The following NCALD variants were observed in gnomAD, a reference collection of about 807,000 sequenced individuals.
The protein encoded by NCALD is neurocalcin delta.
In NCALD, 10 loss-of-function variants were observed where a neutral mutation model predicts 18.6. The observed-to-expected ratio is 0.54, with a 90% CI of 0.33 to 0.91. The LOEUF (loss-of-function observed/expected upper bound fraction) is 0.91. NCALD is among the 40% of genes least tolerant of loss of function. The probability of loss-of-function intolerance (pLI) is 0.03; values close to 1 mark genes in which losing one functional copy is unlikely to be tolerated. For missense variants in NCALD, 184 were observed against 247.6 expected (o/e 0.74, Z 1.72); for synonymous variants, 88 against 87.4 (o/e 1.01, Z -0.04).
chr8:101,722,502 A>G (rs1816406661), intron 1 of NCALD, among the ~76,000 whole-genome samples: 1 of 152,224 alleles, frequency 6.6e-6, no homozygotes, highest in Non-Finnish European at 1.5e-5. Flanking sequence ...GTTTTCAATC[A>G]AATCACCATT....
At chr8:102,109,974 T>G (rs929664835) in intron 1 of NCALD, among the ~76,000 whole-genome samples, 6 of 152,232 alleles carry the variant, frequency 3.9e-5, no homozygotes, top group Admixed American at 1.3e-4. Flanking sequence ...CACTTAACCC[T>G]ACGTCCCAAA....
intron 1 of NCALD, among the ~76,000 whole-genome samples, chr8:102,110,051 A>G (rs1825593045): frequency 6.6e-6 from 1 of 152,094 alleles, no homozygotes; most frequent in African/African-American, 2.4e-5. Context: ...TTTCATCTGA[A>G]TTACACCCAG....
At chr8:101,834,954 C>T (rs1041308217) in intron 4 of NCALD, among the ~76,000 whole-genome samples, 1 of 152,232 alleles carries the variant, frequency 6.6e-6, no homozygotes, top group Admixed American at 6.5e-5. Context: ...GCCTCTGCAG[C>T]TCCCTATCTG....
At chr8:102,058,553 G>A (rs1823734433) in intron 1 of NCALD, among the ~76,000 whole-genome samples, 1 of 152,176 alleles carries the variant, frequency 6.6e-6, no homozygotes, top group Non-Finnish European at 1.5e-5. Context: ...CCTCTGCTGA[G>A]AGCATCGCTG....
chr8:101,896,589 T>C (rs2131543128), intron 3 of NCALD, among the ~76,000 whole-genome samples: 1 of 152,012 alleles, frequency 6.6e-6, no homozygotes, highest in South Asian at 2.1e-4. Context: ...ACCTACAAAA[T>C]GGGAGAAAAT....
intron 1 of NCALD, among the ~76,000 whole-genome samples, chr8:101,727,980 A>G (rs1200263234): frequency 6.6e-6 from 1 of 152,230 alleles, no homozygotes; most frequent in African/African-American, 2.4e-5. Context: ...CTCTCAACTT[A>G]TTTTGGGTCA....
chr8:101,845,092 G>C (rs568009207), intron 4 of NCALD, among the ~76,000 whole-genome samples: 1 of 152,326 alleles, frequency 6.6e-6, no homozygotes, highest in South Asian at 2.1e-4. Flanking sequence ...AGAGGTGACT[G>C]TCTAGTTGGA....
intron 4 of NCALD, among the ~76,000 whole-genome samples, chr8:101,839,896 T>C (rs1393234635): frequency 6.6e-6 from 1 of 151,704 alleles, no homozygotes; most frequent in East Asian, 1.9e-4. Flanking sequence ...ACCAATTAGT[T>C]CCAGGCTCCC....
At chr8:101,949,907 C>A (rs1370717672) in intron 2 of NCALD, among the ~76,000 whole-genome samples, 1 of 152,202 alleles carries the variant, frequency 6.6e-6, no homozygotes, top group East Asian at 1.9e-4. Context: ...TTCCAACAAT[C>A]ATCCAGACTG....
intron 2 of NCALD, among the ~76,000 whole-genome samples, chr8:101,713,832 A>C (rs1815932568): frequency 6.6e-6 from 1 of 152,244 alleles, no homozygotes; most frequent in African/African-American, 2.4e-5. Flanking sequence ...ATGGATTCAC[A>C]GCCGAATTCT....
At position 101,835,255 on chromosome 8, in the gene NCALD, C is replaced by A. The variant is rs866251684; in HGVS notation, c.-20+51886G>T. ...GCTTTCTATCTCAGGTGGTGCAGGG[C>A]CCCTTGGCCCTTCCATCATATGGCT... On this transcript the variant is annotated intron_variant, in intron 4 of 6. Transcript: ENST00000311028. Among the ~76,000 whole-genome samples the A allele has an allele frequency of 2.2e-4, 34 of 152,352 alleles. No homozygotes were observed. The South Asian group carries it at 2.7e-3, about 12-fold the overall frequency.
chr8:101,687,033 T>C lies in NCALD; in HGVS notation c.*2276A>G, dbSNP rs1172353972. 6.6e-6 allele frequency: 1 copy of C among 151,718 alleles called. No individual in the cohort carries two copies. The highest frequency in any genetic ancestry group is 2.4e-5 in the African/African-American group (1 of 41,256). 9.4% of individuals were successfully genotyped at this position (151,718 alleles called of 1,614,324 possible). A position where few individuals can be genotyped will look rare whatever the true frequency, so the allele number is the denominator to read the frequency against. ...GTGGCAGGCCAGGACAGGGACTATT[T>C]CTATACATTCTGGAAGTGTCGGCAT... On this transcript the variant is annotated 3_prime_UTR_variant, in exon 4 of 4. Coordinates refer to ENST00000220931, the MANE Select transcript of NCALD (RefSeq NM_032041.3).
chr8:101,909,281 C>T (rs1274925183), intron 3 of NCALD, among the ~76,000 whole-genome samples: 1 of 152,194 alleles, frequency 6.6e-6, no homozygotes, highest in East Asian at 1.9e-4. Flanking sequence ...ACAGGTTCCA[C>T]TCATACTTTT....
intron 1 of NCALD, among the ~76,000 whole-genome samples, chr8:102,111,310 C>T (rs1044401637): frequency 6.6e-6 from 1 of 152,118 alleles, no homozygotes; most frequent in African/African-American, 2.4e-5. Context: ...GTCATCATGG[C>T]TTCCAAAGGG....
intron 2 of NCALD, among the ~76,000 whole-genome samples, chr8:102,019,616 T>A (rs570980671): frequency 3.3e-5 from 5 of 152,314 alleles, no homozygotes; most frequent in African/African-American, 9.6e-5. Flanking sequence ...TCCAGTATTT[T>A]GAAAACCATT....
chr8:101,810,645 C>A (rs1206070465), intron 4 of NCALD, among the ~76,000 whole-genome samples: 1 of 152,060 alleles, frequency 6.6e-6, no homozygotes, highest in Non-Finnish European at 1.5e-5. Flanking sequence ...CTATTAAATT[C>A]ATTTTTTTAC....
rs1233987370 is a variant in NCALD, at chr8:101,688,066, A to G, written c.*1243T>C. ...CAGACCTGGCTCCCTAACCATGCAC[A>G]TAGATTAAACCACTGGGAAGTTCCA... On this transcript the variant is annotated 3_prime_UTR_variant, in exon 4 of 4. Coordinates refer to ENST00000220931, the MANE Select transcript of NCALD (RefSeq NM_032041.3). 2 of 152,314 alleles carry G rather than the reference A, an allele frequency of 1.3e-5. No individual in the cohort carries two copies. The highest frequency in any genetic ancestry group is 1.3e-4 in the Admixed American group (2 of 15,288). 9.4% of individuals were successfully genotyped at this position (152,314 alleles called of 1,614,324 possible).
At chr8:101,853,093 T>C (rs1005454606) in intron 4 of NCALD, among the ~76,000 whole-genome samples, 4 of 152,110 alleles carry the variant, frequency 2.6e-5, no homozygotes, top group African/African-American at 9.7e-5. Flanking sequence ...TCATTTCACT[T>C]CTCTTTGCTT....
At chr8:101,781,190 A>G (rs1325219293) in intron 1 of NCALD, among the ~76,000 whole-genome samples, 3 of 152,078 alleles carry the variant, frequency 2.0e-5, no homozygotes, top group Non-Finnish European at 4.4e-5. Flanking sequence ...CAAAATATAT[A>G]TATATACCCT....
Sources: gnomAD v4.1 joint callset for allele counts (sites outside exome capture counted in the v4.1 genomes callset) on GRCh38, gnomAD v4.1.1 for gene constraint, MANE v1.5 for transcripts, NCBI Gene and HGNC (gene_info 2026-07-23, HGNC 2026-07-21) for gene names.